The following NBAS variants were observed in gnomAD, a reference collection of about 807,000 sequenced individuals.
NBAS encodes NBAS subunit of NRZ tethering complex, also known as NAG/BC035112 fusion.
In NBAS, 219 loss-of-function variants were observed where a neutral mutation model predicts 302.5. The ratio of observed to expected loss-of-function variants is 0.72; its 90% CI spans 0.65 to 0.81. The LOEUF is 0.81. Among genes scored for constraint, NBAS ranks in the 30% least tolerant of loss-of-function variants. The pLI is 0.00. For missense variants in NBAS, 2,932 were observed against 2,841.6 expected (o/e 1.03, Z -0.72); for synonymous variants, 1,118 against 1,021.6 (o/e 1.09, Z -1.80).
Position 15,474,147 on chromosome 2 carries a change from T to A in NBAS, c.1519A>T (p.Lys507Ter). Residue 507 changes from lysine (K) to a stop codon, truncating the protein, a stop_gained, in exon 15 of 52, where the codon AAA (lysine) becomes TAA (stop). Coordinates refer to ENST00000281513, the MANE Select transcript of NBAS (RefSeq NM_015909.4). LOFTEE classifies it high-confidence loss of function. ...TTTTTAGTAATGGTTCGTGGGCGTT[T>A]CCGTGGTGGTGCAAATCGCTCCATT... ...TEMERFAPPR[K>*]RPRTITKNYR... 1 of 1,614,156 alleles carries A rather than the reference T, an allele frequency of 6.2e-7. No individual in the cohort carries two copies. Among genetic ancestry groups the A allele is most frequent in the Non-Finnish European group, 8.5e-7 (1 of 1,180,012 alleles).
the NBAS span, among the ~76,000 whole-genome samples, chr2:14,960,368 G>C: frequency 1.3e-5 from 2 of 152,206 alleles, no homozygotes; most frequent in South Asian, 2.1e-4. Flanking sequence ...CAGTTTATGA[G>C]ACACAGTGGC....
At chr2:15,093,662 A>G in the NBAS span, among the ~76,000 whole-genome samples, 2 of 152,340 alleles carry the variant, frequency 1.3e-5, no homozygotes, top group Non-Finnish European at 1.5e-5. Context: ...TACACAAATG[A>G]AAAACTTGAA....
Position 15,188,206 on chromosome 2 carries a change from T to C in NBAS, c.6573-1326A>G, listed in dbSNP as rs574099275. 2.2e-4 allele frequency among the ~76,000 whole-genome samples: 33 copies of C among 152,336 alleles called. 1 individual carries two copies. The South Asian group carries it at 5.8e-3, about 27-fold the overall frequency. On this transcript the variant is annotated intron_variant, in intron 49 of 51. Transcript: ENST00000281513. ...TCTTCCTTAAGTACAAACTCAGTAT[T>C]TTTCCATGCATTTTCCTACAAGGAA...
chr2:15,017,942 A>G, the NBAS span, among the ~76,000 whole-genome samples: 36 of 152,092 alleles, frequency 2.4e-4, no homozygotes, highest in African/African-American at 8.2e-4. Flanking sequence ...TATATACACA[A>G]TTGAATATTA....
intron 35 of NBAS, among the ~76,000 whole-genome samples, chr2:15,336,724 C>T (rs1255481415): frequency 6.7e-6 from 1 of 149,210 alleles, no homozygotes; most frequent in African/African-American, 2.5e-5. Context: ...AACAAGACTC[C>T]ATATAGGAAA....
At chr2:14,985,189 G>A in the NBAS span, among the ~76,000 whole-genome samples, 11 of 152,136 alleles carry the variant, frequency 7.2e-5, no homozygotes, top group Non-Finnish European at 1.2e-4. Flanking sequence ...CACAGGGAAC[G>A]CCAGCAACAG....
chr2:14,996,172 C>T, the NBAS span, among the ~76,000 whole-genome samples: 6 of 152,152 alleles, frequency 3.9e-5, no homozygotes, highest in East Asian at 1.2e-3. Flanking sequence ...GAAGAGACCC[C>T]ATTGGGTCTC....
chr2:15,337,518 T>C (rs1180115039), intron 35 of NBAS, among the ~76,000 whole-genome samples: 2 of 151,980 alleles, frequency 1.3e-5, no homozygotes, highest in Non-Finnish European at 2.9e-5. Flanking sequence ...AAACAATGAT[T>C]CTATTTCATA....
the NBAS span, among the ~76,000 whole-genome samples, chr2:14,781,473 AG>A: frequency 2.0e-5 from 3 of 151,884 alleles, no homozygotes; most frequent in Non-Finnish European, 2.9e-5. Flanking sequence ...AAAAATCTAC[AG>A]GAAAAAAAAA....
chr2:14,839,245 C>G, the NBAS span, among the ~76,000 whole-genome samples: 1 of 151,912 alleles, frequency 6.6e-6, no homozygotes, highest in African/African-American at 2.4e-5. Context: ...ACTTCCATAT[C>G]CATGATGCCC....
the NBAS span, among the ~76,000 whole-genome samples, chr2:14,962,312 G>A: frequency 2.0e-5 from 3 of 152,156 alleles, no homozygotes; most frequent in African/African-American, 7.2e-5. Context: ...GGACAGCTCA[G>A]AGGGAGGGTT....
chr2:15,448,555 A>G (rs1198769609), intron 21 of NBAS, among the ~76,000 whole-genome samples: 1 of 152,044 alleles, frequency 6.6e-6, no homozygotes, highest in Non-Finnish European at 1.5e-5. Flanking sequence ...CTATACTACT[A>G]CCTCTCCACA....
intron 23 of NBAS, among the ~76,000 whole-genome samples, chr2:15,420,555 T>G (rs1208525076): frequency 6.6e-6 from 1 of 150,562 alleles, no homozygotes; most frequent in Admixed American, 6.6e-5. Context: ...GCAGAGAGAG[T>G]AGATGCAGTA....
chr2:15,547,894 C>T (rs1035079119), intron 6 of NBAS, among the ~76,000 whole-genome samples: 18 of 152,220 alleles, frequency 1.2e-4, no homozygotes, highest in Non-Finnish European at 2.1e-4. Context: ...TTTAGATATT[C>T]ATACTTAAAC....
At chr2:14,802,309 G>C in the NBAS span, among the ~76,000 whole-genome samples, 1 of 146,408 alleles carries the variant, frequency 6.8e-6, no homozygotes, top group Non-Finnish European at 1.5e-5. Flanking sequence ...TTTTTCTCAG[G>C]TTTGTCAAAG....
intron 28 of NBAS, chr2:15,393,712 A>G (rs1246698909): frequency 2.1e-6 from 1 of 470,624 alleles, no homozygotes; most frequent in Non-Finnish European, 4.4e-6. Flanking sequence ...CCACGGACAG[A>G]GAAGTGGTAA....
chr2:15,075,073 G>C, the NBAS span, among the ~76,000 whole-genome samples: 1 of 152,174 alleles, frequency 6.6e-6, no homozygotes, highest in African/African-American at 2.4e-5. Flanking sequence ...TATTGTATTG[G>C]TGAACTGGAC....
chr2:15,266,219 C>T (rs538347355), intron 44 of NBAS, among the ~76,000 whole-genome samples: 1 of 152,176 alleles, frequency 6.6e-6, no homozygotes, highest in Non-Finnish European at 1.5e-5. Flanking sequence ...GTCAATTAAA[C>T]CTCTTTTCTT....
At chr2:15,351,934 T>C in intron 35 of NBAS, 58 bp downstream of exon 35, 1 of 1,286,284 alleles carries the variant, frequency 7.8e-7, no homozygotes, top group Non-Finnish European at 1.1e-6. Flanking sequence ...GGTTAGGTAA[T>C]CCCACTTTAT....
Sources: gnomAD v4.1 joint callset for allele counts (sites outside exome capture counted in the v4.1 genomes callset) on GRCh38, gnomAD v4.1.1 for gene constraint, MANE v1.5 for transcripts, NCBI Gene and HGNC (gene_info 2026-07-23, HGNC 2026-07-21) for gene names.